The following IGSF23 variants were observed in gnomAD, a reference collection of about 807,000 sequenced individuals.
The protein encoded by IGSF23 is immunoglobulin superfamily, member 23.
A neutral mutation model predicts 17.8 loss-of-function variants in IGSF23; 14 were observed. The ratio of observed to expected loss-of-function variants is 0.79; its 90% confidence interval spans 0.52 to 1.23. The LOEUF (loss-of-function observed/expected upper bound fraction) is 1.23, where lower values mean the gene tolerates loss of function less well. Among genes scored for constraint, IGSF23 ranks in the 50% most tolerant of loss-of-function variants. The pLI, the probability that IGSF23 is intolerant of heterozygous loss-of-function variation, is 0.00. For missense variants in IGSF23, 214 were observed against 241.7 expected (o/e 0.89, Z 0.76); for synonymous variants, 85 against 92.5 (o/e 0.92, Z 0.46).
At position 44,613,711 on chromosome 19, in the gene IGSF23, C is replaced by T. The variant is rs114877574; in HGVS notation, c.66C>T (p.Thr22=). The T allele has an allele frequency of 6.4e-7, 1 of 1,550,594 alleles. No individual in the cohort carries two copies. Among genetic ancestry groups the T allele is most frequent in the Non-Finnish European group, 8.7e-7 (1 of 1,146,980 alleles). The part of the protein sequence containing the change: ...NPVPAWSPPT[T]TTDPMLEKDA... ...TCCCAGCCTGGTCCCCACCCACCAC[C>T]ACCACTGACCCGATGCTAGAGAAGG... The change falls in exon 1 of 5, where the codon ACC becomes ACT. Residue 22 remains threonine (T), a synonymous_variant. Coordinates refer to ENST00000402988, the MANE Select transcript of IGSF23 (RefSeq NM_001205280.2).
At chr19:44,613,815 G>C in intron 1 of IGSF23, 45 bp downstream of exon 1, 1 of 1,549,018 alleles carries the variant, frequency 6.5e-7, no homozygotes, top group Non-Finnish European at 8.7e-7. Flanking sequence ...TGGTCATCGT[G>C]AGCAGGGTCC....
At chr19:44,628,113 T>G (rs1201927583) in intron 3 of IGSF23, among the ~76,000 whole-genome samples, 1 of 151,948 alleles carries the variant, frequency 6.6e-6, no homozygotes, top group Non-Finnish European at 1.5e-5. Flanking sequence ...CCTGGCTAAT[T>G]TTTGTATATT....
chr19:44,629,562 TA>T (rs1972722824), intron 3 of IGSF23, among the ~76,000 whole-genome samples: 2 of 149,558 alleles, frequency 1.3e-5, no homozygotes, highest in South Asian at 4.2e-4. Flanking sequence ...ACCCTATTTC[TA>T]AAAATTAAAA....
Position 44,627,345 on chromosome 19 carries a change from G to A in IGSF23, c.392-75G>A, listed in dbSNP as rs116107832. The A allele has an allele frequency of 2.9e-6, 4 of 1,369,678 alleles. No individual in the cohort carries two copies. The African/African-American group carries it at 5.8e-5, about 20-fold the overall frequency. The allele number at this position is 1,369,678 out of a possible 1,614,324, so 84.8% of individuals were successfully genotyped here. The stretch of plus-strand genomic sequence containing the variant: ...GGATTGAAGAGACACTTGGGAGGGG[G>A]AATGGCAGGAGGGAGGGGTGCACAG... On this transcript the variant is annotated intron_variant, in intron 2 of 4. Transcript: ENST00000402988.
At chr19:44,615,926 C>T (rs1387058721) in intron 1 of IGSF23, among the ~76,000 whole-genome samples, 1 of 151,892 alleles carries the variant, frequency 6.6e-6, no homozygotes, top group East Asian at 1.9e-4. Context: ...GGGTGGGGTA[C>T]TTTGGAAATT....
At chr19:44,633,731 C>T (rs1972820970) in intron 3 of IGSF23, among the ~76,000 whole-genome samples, 1 of 152,144 alleles carries the variant, frequency 6.6e-6, no homozygotes, top group African/African-American at 2.4e-5. Context: ...ATTTCTTTCC[C>T]TGAATAGTTA....
rs567236013 is a variant in IGSF23 at position 44,614,019 on chromosome 19, G to A, written c.125+249G>A. On this transcript the variant is annotated intron_variant, in intron 1 of 4. Transcript: ENST00000402988. ...GCGTTGGAGACAGCGGCTTCACCAC[G>A]GGCCAGGGACAAGGAGGAGAGTGTC... 151 of 1,479,684 alleles carry A rather than the reference G, an allele frequency of 1.0e-4. 1 individual carries two copies. In the East Asian group the frequency reaches 3.4e-3, roughly 34 times the overall value. 91.7% of individuals were successfully genotyped at this position (1,479,684 alleles called of 1,614,324 possible).
chr19:44,631,451 G>A (rs1273605855), intron 3 of IGSF23, among the ~76,000 whole-genome samples: 1 of 151,726 alleles, frequency 6.6e-6, no homozygotes, highest in East Asian at 1.9e-4. Flanking sequence ...AACAAGGCAT[G>A]GTGGTGCATG....
At chr19:44,624,428 G>A (rs1972595625) in intron 2 of IGSF23, among the ~76,000 whole-genome samples, 1 of 151,778 alleles carries the variant, frequency 6.6e-6, no homozygotes, top group Non-Finnish European at 1.5e-5. Flanking sequence ...GGGATTACAG[G>A]CATGCACCAC....
chr19:44,614,021 G>A (rs1972312334), intron 1 of IGSF23: 2 of 1,475,664 alleles, frequency 1.4e-6, no homozygotes, highest in South Asian at 1.2e-5. Flanking sequence ...TTCACCACGG[G>A]CCAGGGACAA....
In IGSF23 at chr19:44,636,533, C is replaced by T. The variant is rs562309705; in HGVS notation, c.*146C>T. On this transcript the variant is annotated 3_prime_UTR_variant, in exon 5 of 5. Transcript: ENST00000402988. The stretch of plus-strand genomic sequence containing the variant: ...CCAACGTAACCAGACTCCCTTTGCC[C>T]TGTTTCTGAAACACCTGAAGAAAAC... 5.9e-5 allele frequency: 9 copies of T among 152,322 alleles called. No individual in the cohort carries two copies. In the South Asian group the frequency reaches 1.7e-3, roughly 28 times the overall value. 9.4% of individuals were successfully genotyped at this position (152,322 alleles called of 1,614,324 possible).
intron 1 of IGSF23, among the ~76,000 whole-genome samples, chr19:44,615,555 G>A (rs1370849621): frequency 6.6e-6 from 1 of 151,814 alleles, no homozygotes; most frequent in African/African-American, 2.4e-5. Flanking sequence ...CCCAGGAGGC[G>A]GAGGTTGCGG....
At chr19:44,624,718 T>C (rs1972603289) in intron 2 of IGSF23, among the ~76,000 whole-genome samples, 1 of 151,922 alleles carries the variant, frequency 6.6e-6, no homozygotes, top group South Asian at 2.1e-4. Flanking sequence ...ATGGGAAGCC[T>C]CTTTGCCTCT....
chr19:44,629,366 A>G (rs1280607432), intron 3 of IGSF23, among the ~76,000 whole-genome samples: 1 of 152,110 alleles, frequency 6.6e-6, no homozygotes, highest in Non-Finnish European at 1.5e-5. Context: ...GGCCTGGGCA[A>G]CATAGTGAGA....
At chr19:44,635,352 C>G in intron 3 of IGSF23, 49 bp from the exon 4 acceptor site, 1 of 625,190 alleles carries the variant, frequency 1.6e-6, no homozygotes, top group Non-Finnish European at 2.2e-6. Context: ...TTCTTATTCT[C>G]TCTCTCTCTC....
At chr19:44,625,179 T>C (rs1972617564) in intron 2 of IGSF23, among the ~76,000 whole-genome samples, 1 of 152,156 alleles carries the variant, frequency 6.6e-6, no homozygotes, top group South Asian at 2.1e-4. Context: ...TGTGCCTCAG[T>C]TTCCTCATCT....
intron 2 of IGSF23, among the ~76,000 whole-genome samples, chr19:44,624,238 C>A (rs1972588368): frequency 6.6e-6 from 1 of 150,520 alleles, no homozygotes; most frequent in South Asian, 2.1e-4. Context: ...CCTCCTCCTC[C>A]TCCTTCTTCT....
Position 44,623,824 on chromosome 19 carries a change from G to C in IGSF23, c.243G>C (p.Leu81=). ...TGACAATGGACCCTGAGCCTGTGCTGAGCTGGACCTTCAGTGGGGTGCCCT... is the reference window on the plus strand; with the variant it reads ...TGACAATGGACCCTGAGCCTGTGCTCAGCTGGACCTTCAGTGGGGTGCCCT... ...WVVTMDPEPV[L]SWTFSGVPCG... is the part of the protein sequence containing the mutation. Residue 81 remains leucine, a synonymous_variant, in exon 2 of 5, where the codon CTG becomes CTC. Transcript: ENST00000402988. 6.4e-7 allele frequency: 1 copy of C among 1,550,948 alleles called. No individual in the cohort carries two copies. Among genetic ancestry groups the C allele is most frequent in the Non-Finnish European group, 8.7e-7 (1 of 1,147,046 alleles).
chr19:44,627,191 A>C (rs764992303), intron 2 of IGSF23, among the ~76,000 whole-genome samples: 72 of 152,188 alleles, frequency 4.7e-4, no homozygotes, highest in Non-Finnish European at 9.6e-4. Flanking sequence ...GGGGAGGAAC[A>C]GGGTCAGGTG....
Sources: allele counts gnomAD v4.1 joint callset (sites outside exome capture counted in the v4.1 genomes callset), GRCh38; gene constraint gnomAD v4.1.1; transcripts MANE v1.5; gene names NCBI Gene and HGNC (gene_info 2026-07-23, HGNC 2026-07-21).